The following CRYGD variants were observed in gnomAD, a reference collection of about 807,000 sequenced individuals.
CRYGD encodes the protein gamma-crystallin D.
CRYGD carries 13 observed loss-of-function variants against 11.3 expected under a neutral mutation model. The observed-to-expected ratio is 1.15, with a 90% confidence interval of 0.75 to 1.83. The LOEUF (loss-of-function observed/expected upper bound fraction) is 1.83. Ranked by LOEUF, CRYGD falls within the 40% of genes most tolerant of loss-of-function variation. The pLI is 0.00. For missense variants in CRYGD, 231 were observed against 229.9 expected, an observed-to-expected ratio of 1.00 and a Z score of -0.03; for synonymous variants, 77 against 89.5, an observed-to-expected ratio of 0.86 and a Z score of 0.79.
chr2:208,124,412 T>G (rs1333293940), intron 1 of CRYGD, 53 bp downstream of exon 1: 6 of 1,600,060 alleles, frequency 3.7e-6, no homozygotes, highest in African/African-American at 1.3e-5. Flanking sequence ...CCCCAGTCTC[T>G]GGCCCCCGCG....
Sources: allele counts gnomAD v4.1 joint callset, GRCh38; gene constraint gnomAD v4.1.1; transcripts MANE v1.5; gene names NCBI Gene and HGNC (gene_info 2026-07-23, HGNC 2026-07-21).